KLHL1: variants seen among roughly 807,000 people sequenced by gnomAD.
KLHL1 encodes the protein kelch-like protein 1.
In KLHL1, 47 loss-of-function variants were observed where a neutral mutation model predicts 77.7. The ratio of observed to expected loss-of-function variants is 0.60; its 90% CI spans 0.48 to 0.77. The LOEUF (loss-of-function observed/expected upper bound fraction) is 0.77, where lower values mean the gene tolerates loss of function less well. Among genes scored for constraint, KLHL1 ranks in the 30% least tolerant of loss-of-function variants. KLHL1 has a pLI of 0.00. For missense variants in KLHL1, 925 were observed against 910.8 expected (o/e 1.02, Z -0.20); for synonymous variants, 360 against 325.2 (o/e 1.11, Z -1.15).
intron 4 of KLHL1, among the ~76,000 whole-genome samples, chr13:69,925,175 A>G (rs1297086463): frequency 1.3e-5 from 2 of 152,168 alleles, no homozygotes; most frequent in East Asian, 3.9e-4. Flanking sequence ...CAAGTATCCC[A>G]TAACAGTATT....
Position 69,813,475 on chromosome 13 carries a change from C to CAT in KLHL1, c.1415-16514_1415-16513insAT, listed in dbSNP as rs1233525351. Among the ~76,000 whole-genome samples, 24 of 129,430 alleles carry CAT rather than the reference C, an allele frequency of 1.9e-4. No homozygotes were observed. The East Asian group carries it at 5.3e-3, about 29-fold the overall frequency. 84.9% of individuals were successfully genotyped at this position (129,430 alleles called of 152,430 possible). On this transcript the variant is annotated intron_variant, in intron 6 of 10. Transcript: ENST00000377844. Reference sequence around the variant, plus strand: ...ATAAAAAAATACACACATATATACACACACATACACACACACACACACACA... The same window carrying CAT: ...ATAAAAAAATACACACATATATACACATACACATACACACACACACACACACA...
At chr13:70,052,027 A>G (rs1237062446) in intron 1 of KLHL1, among the ~76,000 whole-genome samples, 8 of 151,740 alleles carry the variant, frequency 5.3e-5, no homozygotes, top group African/African-American at 1.9e-4. Flanking sequence ...ATATTTTAGT[A>G]TTTCAGAAAC....
At chr13:69,952,950 TCAAA>T (rs1883757642) in intron 3 of KLHL1, among the ~76,000 whole-genome samples, 1 of 151,314 alleles carries the variant, frequency 6.6e-6, no homozygotes, top group Non-Finnish European at 1.5e-5. Context: ...TAACAAATAG[TCAAA>T]ACTGAAGTAA....
At position 69,710,003 on chromosome 13, in the gene KLHL1, A is replaced by G. The variant is rs1189593787; in HGVS notation, c.2016-2207T>C. Among the ~76,000 whole-genome samples the G allele has an allele frequency of 4.6e-5, 7 of 151,906 alleles. No individual in the cohort carries two copies. The East Asian group carries it at 1.4e-3, about 29-fold the overall frequency. ...TCATTTAATTATTATTCAGCTTTAT[A>G]GAATTATGTTAAATATTGTCTGCAA... is the stretch of plus-strand genomic sequence containing the variant. On this transcript the variant is annotated intron_variant, in intron 9 of 10. Transcript: ENST00000377844.
intron 5 of KLHL1, among the ~76,000 whole-genome samples, chr13:69,871,920 C>T (rs1024212156): frequency 2.6e-5 from 4 of 151,986 alleles, no homozygotes; most frequent in African/African-American, 9.7e-5. Flanking sequence ...ATTTTTTAAG[C>T]CCTCCAAACT....
chr13:69,826,664 A>G (rs1878562351), intron 6 of KLHL1, among the ~76,000 whole-genome samples: 1 of 152,164 alleles, frequency 6.6e-6, no homozygotes, highest in Non-Finnish European at 1.5e-5. Context: ...TTATATGTTA[A>G]TTATCTTGAT....
At chr13:69,994,027 G>A (rs1395892523) in intron 1 of KLHL1, among the ~76,000 whole-genome samples, 1 of 152,102 alleles carries the variant, frequency 6.6e-6, no homozygotes, top group African/African-American at 2.4e-5. Flanking sequence ...TATAAAGAGT[G>A]TAGATTGGGA....
intron 1 of KLHL1, among the ~76,000 whole-genome samples, chr13:70,001,560 A>G (rs1482407858): frequency 6.8e-6 from 1 of 146,078 alleles, no homozygotes; most frequent in Non-Finnish European, 1.5e-5. Context: ...AAACATTGGG[A>G]TATCTATCTA....
intron 2 of KLHL1, among the ~76,000 whole-genome samples, chr13:69,963,702 C>A (rs186493782): frequency 1.3e-3 from 199 of 152,188 alleles, no homozygotes; most frequent in African/African-American, 4.6e-3. Context: ...ACATAAAACA[C>A]CCCTTCTGCT....
At chr13:70,055,209 C>T (rs1394728928) in intron 1 of KLHL1, among the ~76,000 whole-genome samples, 1 of 152,044 alleles carries the variant, frequency 6.6e-6, no homozygotes, top group Non-Finnish European at 1.5e-5. Flanking sequence ...AGCTGCAATA[C>T]ATCCGGCAGC....
chr13:69,902,957 T>TAA (rs1463971753), intron 4 of KLHL1, among the ~76,000 whole-genome samples: 1 of 152,162 alleles, frequency 6.6e-6, no homozygotes, highest in African/African-American at 2.4e-5. Context: ...ATTATATATA[T>TAA]AATGAAAAAG....
rs115505735 is a variant in KLHL1 at position 70,031,443 on chromosome 13, A to G, written c.498-55641T>C. ...AAGTAACTGAGATGCAGAGGTTAACAGTTACTCAAAATTTACATTAAATGT... is the reference window on the plus strand; with the variant it reads ...AAGTAACTGAGATGCAGAGGTTAACGGTTACTCAAAATTTACATTAAATGT... On this transcript the variant is annotated intron_variant, in intron 1 of 10. Coordinates refer to ENST00000377844, the MANE Select transcript of KLHL1 (RefSeq NM_020866.3). Among the ~76,000 whole-genome samples the G allele has an allele frequency of 6.1e-3, 927 of 152,318 alleles. 14 individuals carry two copies. The highest frequency in any genetic ancestry group is 0.021 in the African/African-American group (874 of 41,586).
At chr13:69,805,112 T>C (rs1270102436) in intron 6 of KLHL1, among the ~76,000 whole-genome samples, 1 of 152,012 alleles carries the variant, frequency 6.6e-6, no homozygotes, top group Non-Finnish European at 1.5e-5. Context: ...TAAAAGTCTT[T>C]ATTTTTTTAA....
At chr13:70,066,732 T>C (rs1887015087) in intron 1 of KLHL1, among the ~76,000 whole-genome samples, 2 of 152,222 alleles carry the variant, frequency 1.3e-5, no homozygotes, top group Non-Finnish European at 2.9e-5. Context: ...GCTGGAATTA[T>C]AACGGGTAAT....
chr13:69,861,209 A>G (rs1196081820), intron 5 of KLHL1, among the ~76,000 whole-genome samples: 2 of 152,104 alleles, frequency 1.3e-5, no homozygotes, highest in Non-Finnish European at 2.9e-5. Flanking sequence ...AACCAATAAT[A>G]CAGCAAATTG....
At chr13:69,774,674 AC>A (rs1875742191) in intron 7 of KLHL1, among the ~76,000 whole-genome samples, 14 of 86,480 alleles carry the variant, frequency 1.6e-4, no homozygotes, top group East Asian at 7.3e-4. Flanking sequence ...AAAAAAAAAC[AC>A]ACACACACAA....
intron 9 of KLHL1, among the ~76,000 whole-genome samples, chr13:69,711,185 C>T (rs79244104): frequency 0.07 from 10,707 of 151,970 alleles, 460 homozygotes; most frequent in Middle Eastern, 0.13. Context: ...ACTTTCTTAA[C>T]AAATAGAATT....
intron 5 of KLHL1, among the ~76,000 whole-genome samples, chr13:69,845,148 AC>A (rs1302010793): frequency 6.6e-6 from 1 of 151,662 alleles, no homozygotes; most frequent in Non-Finnish European, 1.5e-5. Flanking sequence ...CTTTAAAATA[AC>A]CCAGGCCAAG....
chr13:69,924,156 C>T (rs1244673095), intron 4 of KLHL1, among the ~76,000 whole-genome samples: 1 of 152,212 alleles, frequency 6.6e-6, no homozygotes, highest in Non-Finnish European at 1.5e-5. Context: ...TGCTGGCTTG[C>T]AGGTGCTCCT....
Sources: allele counts gnomAD v4.1 joint callset (sites outside exome capture counted in the v4.1 genomes callset), GRCh38; gene constraint gnomAD v4.1.1; transcripts MANE v1.5; gene names NCBI Gene and HGNC (gene_info 2026-07-23, HGNC 2026-07-21).